ABCC4: variants seen among roughly 807,000 people sequenced by gnomAD.
The protein encoded by ABCC4 is ATP-binding cassette sub-family C member 4.
In ABCC4, 102 loss-of-function variants were observed where a neutral mutation model predicts 168.5. The ratio of observed to expected loss-of-function variants is 0.61; its 90% CI spans 0.52 to 0.71. The LOEUF (loss-of-function observed/expected upper bound fraction) is 0.71. Among genes scored for constraint, ABCC4 ranks in the 30% least tolerant of loss-of-function variants. The pLI, the probability that ABCC4 is intolerant of heterozygous loss-of-function variation, is 0.00. For missense variants in ABCC4, 1,402 were observed against 1,605.8 expected (o/e 0.87, Z 2.17); for synonymous variants, 617 against 590.7 (o/e 1.04, Z -0.65).
At chr13:95,087,057 G>A (rs1398354922) in intron 20 of ABCC4, among the ~76,000 whole-genome samples, 1 of 151,964 alleles carries the variant, frequency 6.6e-6, no homozygotes. Context: ...ACAAAGCAGG[G>A]TTCACTTCTT....
At chr13:95,029,905 C>T (rs900536751) in intron 30 of ABCC4, among the ~76,000 whole-genome samples, 1 of 152,118 alleles carries the variant, frequency 6.6e-6, no homozygotes, top group African/African-American at 2.4e-5. Context: ...TCTGTAAGGC[C>T]ATTGGCTGCT....
Position 95,176,417 on chromosome 13 carries a change from C to T in ABCC4, c.1727+1290G>A, listed in dbSNP as rs183167354. On this transcript the variant is annotated intron_variant, in intron 13 of 30. Coordinates refer to ENST00000645237, the MANE Select transcript of ABCC4 (RefSeq NM_005845.5). ...GGCTGAGGCAGGAGAATCTCTTGAA[C>T]CCAGGAGGTCGAGGCTGCAGTGAGC... 3.6e-3 allele frequency among the ~76,000 whole-genome samples: 544 copies of T among 152,158 alleles called. 3 individuals carry two copies. Among genetic ancestry groups the T allele is most frequent in the African/African-American group, 0.013 (531 of 41,528 alleles).
At chr13:95,208,608 C>CTTTTT (rs58749262) in intron 6 of ABCC4, among the ~76,000 whole-genome samples, 15 of 74,652 alleles carry the variant, frequency 2.0e-4, no homozygotes, top group East Asian at 4.8e-4. Context: ...AGCTGTATTT[C>CTTTTT]TTTTTTTTTT....
chr13:95,098,152 A>AAAT (rs1555311695), intron 20 of ABCC4, among the ~76,000 whole-genome samples: 4 of 151,252 alleles, frequency 2.6e-5, no homozygotes, highest in African/African-American at 9.7e-5. Context: ...AAAAAAAAAA[A>AAAT]GTCAACTCAT....
At chr13:95,029,988 TATCCATCCATCC>T (rs71207571) in intron 30 of ABCC4, among the ~76,000 whole-genome samples, 6 of 146,324 alleles carry the variant, frequency 4.1e-5, no homozygotes, top group African/African-American at 7.6e-5. Flanking sequence ...CTTGTCTATC[TATCCATCCATCC>T]ATCCATCCAT....
chr13:95,025,271 C>A (rs1375327945), intron 30 of ABCC4, among the ~76,000 whole-genome samples: 27 of 65,672 alleles, frequency 4.1e-4, no homozygotes, highest in Non-Finnish European at 5.6e-4. Flanking sequence ...ACCCCCACAC[C>A]CCCACACACA....
chr13:95,159,196 T>C (rs1447805289), intron 19 of ABCC4, among the ~76,000 whole-genome samples: 2 of 146,670 alleles, frequency 1.4e-5, no homozygotes, highest in African/African-American at 4.9e-5. Flanking sequence ...ATTTTGTGTA[T>C]CCTTCACCAT....
rs2032480333 is a variant in ABCC4 at position 95,044,206 on chromosome 13, T to C, written c.3629+60A>G. The C allele has an allele frequency of 2.1e-6, 3 of 1,428,352 alleles. No homozygotes were observed. In the African/African-American group the frequency reaches 4.3e-5, roughly 21 times the overall value. The allele number at this position is 1,428,352 out of a possible 1,614,324, so 88.5% of individuals were successfully genotyped here. A position where few individuals can be genotyped will look rare whatever the true frequency, so the allele number is the denominator to read the frequency against. On this transcript the variant is annotated intron_variant, in intron 28 of 30. Transcript: ENST00000645237. ...AGAAATATTTCTCAGAATCATTCCA[T>C]GTTTCCCATTTACACACTTAAAATG...
chr13:95,164,383 C>A lies in ABCC4; in HGVS notation c.2170G>T (p.Ala724Ser). Reference sequence around the variant, plus strand: ...AAACAAATGTCATTATTTACCTGAGCTGCAGTGTTTAGGAGAATAAGGAAA... The same window carrying A: ...AAACAAATGTCATTATTTACCTGAGATGCAGTGTTTAGGAGAATAAGGAAA... The part of the protein sequence containing the change: ...FIFLILLNTA[A>S]QVAYVLQDWW... Residue 724 changes from alanine (A) to serine (S), a missense_variant, in exon 16 of 31, where the codon GCT becomes TCT. This residue lies in a region of ABCC4 where 1,007 missense variants were observed against 1,127.3 expected (regional missense o/e 0.89). Coordinates refer to ENST00000645237, the MANE Select transcript of ABCC4 (RefSeq NM_005845.5). 6.2e-7 allele frequency: 1 copy of A among 1,614,046 alleles called. No homozygotes were observed. Among genetic ancestry groups the A allele is most frequent in the Non-Finnish European group, 8.5e-7 (1 of 1,179,992 alleles).
intron 20 of ABCC4, among the ~76,000 whole-genome samples, chr13:95,097,150 T>C (rs1025998811): frequency 1.3e-5 from 2 of 152,110 alleles, no homozygotes; most frequent in East Asian, 1.9e-4. Context: ...CTTAAATGGA[T>C]ATGTAAACTC....
intron 21 of ABCC4, among the ~76,000 whole-genome samples, chr13:95,080,010 T>A (rs2034035961): frequency 6.6e-6 from 1 of 152,164 alleles, no homozygotes; most frequent in Admixed American, 6.5e-5. Context: ...TTCTCATGCA[T>A]CCTGAGGGCA....
chr13:95,059,579 C>T (rs555086679), intron 26 of ABCC4, among the ~76,000 whole-genome samples: 23 of 152,268 alleles, frequency 1.5e-4, no homozygotes, highest in Non-Finnish European at 3.2e-4. Context: ...AAAGTGATAG[C>T]CTCACCTTTT....
At chr13:95,053,022 CT>C (rs2139263850) in intron 27 of ABCC4, 72 bp downstream of exon 27, 1 of 1,326,906 alleles carries the variant, frequency 7.5e-7, no homozygotes, top group African/African-American at 1.4e-5. Flanking sequence ...TCTTAATTTC[CT>C]GCAATGCTGT....
At chr13:95,133,231 G>A (rs551890657) in intron 19 of ABCC4, among the ~76,000 whole-genome samples, 80 of 144,460 alleles carry the variant, frequency 5.5e-4, no homozygotes, top group African/African-American at 1.8e-3. Context: ...CTCCCACCTC[G>A]GCCTCCCGAG....
chr13:95,048,080 C>T (rs1344971851), intron 27 of ABCC4, among the ~76,000 whole-genome samples: 1 of 152,024 alleles, frequency 6.6e-6, no homozygotes, highest in Non-Finnish European at 1.5e-5. Flanking sequence ...AGTAAATCCA[C>T]AAAGAAATAG....
intron 20 of ABCC4, among the ~76,000 whole-genome samples, chr13:95,103,926 T>G (rs1433536467): frequency 6.6e-6 from 1 of 152,128 alleles, no homozygotes; most frequent in East Asian, 1.9e-4. Flanking sequence ...ACTCCTGCAC[T>G]TCCTGCCATA....
intron 26 of ABCC4, among the ~76,000 whole-genome samples, chr13:95,058,665 A>G (rs1455197450): frequency 6.6e-6 from 1 of 152,106 alleles, no homozygotes; most frequent in African/African-American, 2.4e-5. Flanking sequence ...TCCAACAAAT[A>G]CTTACTGAAA....
At chr13:95,130,075 T>TAAAA (rs539290300) in intron 19 of ABCC4, among the ~76,000 whole-genome samples, 1 of 129,422 alleles carries the variant, frequency 7.7e-6, no homozygotes, top group Non-Finnish European at 1.7e-5. Flanking sequence ...AACTCCATCT[T>TAAAA]AAAAAAAAAA....
intron 20 of ABCC4, among the ~76,000 whole-genome samples, chr13:95,090,927 A>T (rs1409906704): frequency 1.3e-5 from 2 of 152,044 alleles, no homozygotes; most frequent in African/African-American, 4.8e-5. Flanking sequence ...CAGATAGCTT[A>T]AAAAAAATCA....
Sources: gnomAD v4.1 joint callset for allele counts (sites outside exome capture counted in the v4.1 genomes callset) on GRCh38, gnomAD v4.1.1 for gene constraint, gnomAD v4.1.1 regional missense constraint, MANE v1.5 for transcripts, NCBI Gene and HGNC (gene_info 2026-07-23, HGNC 2026-07-21) for gene names.